The following CSNK2A2 variants were observed in gnomAD, a reference collection of about 807,000 sequenced individuals.
The protein encoded by CSNK2A2 is casein kinase 2 alpha 2, also known as casein kinase II subunit alpha'.
A neutral mutation model predicts 54.0 loss-of-function variants in CSNK2A2; 8 were observed. The ratio of observed to expected loss-of-function variants is 0.15; its 90% CI spans 0.09 to 0.27. The LOEUF (loss-of-function observed/expected upper bound fraction) is 0.27. Among genes scored for constraint, CSNK2A2 ranks in the 10% least tolerant of loss-of-function variants. The pLI is 1.00. For missense variants in CSNK2A2, 242 were observed against 439.4 expected (o/e 0.55, Z 4.02); for synonymous variants, 141 against 153.9 (o/e 0.92, Z 0.62).
intron 10 of CSNK2A2, among the ~76,000 whole-genome samples, chr16:58,164,377 C>T (rs1350608136): frequency 2.0e-5 from 3 of 152,206 alleles, no homozygotes; most frequent in African/African-American, 4.8e-5. Flanking sequence ...CCTCGGAGTA[C>T]AGACTCAATG....
intron 2 of CSNK2A2, among the ~76,000 whole-genome samples, chr16:58,194,978 T>A (rs1333276315): frequency 6.6e-6 from 1 of 152,032 alleles, no homozygotes; most frequent in Non-Finnish European, 1.5e-5. Flanking sequence ...AATGCTGCCA[T>A]AGCACAAAAG....
intron 11 of CSNK2A2, 187 bp downstream of exon 11, chr16:58,163,865 CCA>C: frequency 2.1e-6 from 1 of 484,370 alleles, no homozygotes. Flanking sequence ...CCCCATGCTG[CCA>C]CAGTGACAGC....
intron 3 of CSNK2A2, among the ~76,000 whole-genome samples, chr16:58,185,097 A>C: frequency 6.6e-6 from 1 of 152,212 alleles, no homozygotes; most frequent in South Asian, 2.1e-4. Flanking sequence ...AAATAACGCT[A>C]ATTGGCAGTA....
intron 4 of CSNK2A2, 110 bp downstream of exon 4, chr16:58,184,150 C>T: frequency 1.0e-5 from 8 of 768,246 alleles, no homozygotes; most frequent in Admixed American, 8.2e-5. Context: ...TTGTTATTTC[C>T]TCCTCTCACC....
intron 11 of CSNK2A2, chr16:58,160,471 T>C (rs1241786443): frequency 6.6e-6 from 1 of 152,238 alleles, no homozygotes; most frequent in Non-Finnish European, 1.5e-5. Flanking sequence ...CTTCCAATTG[T>C]TGCTTGTGTC....
chr16:58,185,098 A>C (rs184339315), intron 3 of CSNK2A2, among the ~76,000 whole-genome samples: 1 of 152,320 alleles, frequency 6.6e-6, no homozygotes, highest in South Asian at 2.1e-4. Flanking sequence ...AATAACGCTA[A>C]TTGGCAGTAA....
chr16:58,189,962 G>T (rs1962286670), intron 2 of CSNK2A2, among the ~76,000 whole-genome samples: 1 of 152,212 alleles, frequency 6.6e-6, no homozygotes, highest in South Asian at 2.1e-4. Flanking sequence ...TAGGATTTAT[G>T]AGGGAGGATT....
chr16:58,192,534 G>A (rs1358694520), intron 2 of CSNK2A2: 1 of 152,030 alleles, frequency 6.6e-6, no homozygotes, highest in East Asian at 1.9e-4. Context: ...ACATGCTGCT[G>A]TGGATACTAA....
chr16:58,197,641 C>T lies in CSNK2A2; in HGVS notation c.96G>A (p.Pro32=), dbSNP rs770840395. 3.2e-6 allele frequency: 5 copies of T among 1,569,350 alleles called. No homozygotes were observed. Among genetic ancestry groups the T allele is most frequent in the African/African-American group, 1.4e-5 (1 of 70,702 alleles). ...GGCGGCGACGGCTTTACCCCCAGCTCGGGACGTGAGCCTCGTAGTCCCAGT... is the reference window on the plus strand; with the variant it reads ...GGCGGCGACGGCTTTACCCCCAGCTTGGGACGTGAGCCTCGTAGTCCCAGT... The part of the protein sequence containing the change: ...REYWDYEAHV[P]SWGNQDDYQL... The change falls in exon 1 of 12, where the codon CCG becomes CCA. Residue 32 remains proline (P), a synonymous_variant. Transcript: ENST00000262506. This position sits in a 1 kb window ranked among gnomAD's most constrained non-coding sequence, Gnocchi z 4.0.
intron 4 of CSNK2A2, among the ~76,000 whole-genome samples, chr16:58,177,054 AACTC>A: frequency 6.6e-6 from 1 of 152,302 alleles, no homozygotes. Flanking sequence ...CCCACTGAAC[AACTC>A]ACTCAGTACC....
At position 58,186,768 on chromosome 16, in the gene CSNK2A2, A is replaced by G; in HGVS notation, c.305T>C (p.Val102Ala). ...TTTGGCACCTACCACGGGGTCCTTT[A>G]CAGTGTCAATCAGCTTAATGATATT... Reference protein sequence around the residue: ...GTNIIKLIDTVKDPVSKTPAL... With the variant: ...GTNIIKLIDTAKDPVSKTPAL... Residue 102 changes from valine to alanine, a missense_variant, in exon 3 of 12, where the codon GTA becomes GCA. Physicochemically the swap from Val to Ala is moderately conservative, Grantham distance 64. Around this residue, in one of 5 missense-constraint regions of CSNK2A2, gnomAD observed 69 missense variants for 97.0 expected, o/e 0.71. Coordinates refer to ENST00000262506, the MANE Select transcript of CSNK2A2 (RefSeq NM_001896.4). 1 of 1,613,834 alleles carries G rather than the reference A, an allele frequency of 6.2e-7. No homozygotes were observed.
intron 4 of CSNK2A2, among the ~76,000 whole-genome samples, chr16:58,178,583 G>C (rs1174896423): frequency 6.6e-6 from 1 of 151,960 alleles, no homozygotes; most frequent in Non-Finnish European, 1.5e-5. Context: ...CACCCGGCCT[G>C]AGACACTTTT....
chr16:58,182,347 G>A (rs1962063213), intron 4 of CSNK2A2, among the ~76,000 whole-genome samples: 1 of 95,676 alleles, frequency 1.0e-5, no homozygotes, highest in South Asian at 3.6e-4. Context: ...GGTTAACATG[G>A]TAAAACCCCA....
chr16:58,175,884 TG>T (rs971038690), intron 4 of CSNK2A2, among the ~76,000 whole-genome samples: 1 of 152,198 alleles, frequency 6.6e-6, no homozygotes, highest in Non-Finnish European at 1.5e-5. Context: ...GTTGGGTGGC[TG>T]GCCCTGGCTA....
intron 2 of CSNK2A2, among the ~76,000 whole-genome samples, chr16:58,191,299 T>C (rs1383776717): frequency 1.3e-5 from 2 of 152,194 alleles, no homozygotes; most frequent in Non-Finnish European, 2.9e-5. Flanking sequence ...GCAGTGATGG[T>C]TGCACAACAT....
In CSNK2A2 at chr16:58,197,643, G is replaced by A. The variant is rs1304897203; in HGVS notation, c.94C>T (p.Pro32Ser). ...CGGCGACGGCTTTACCCCCAGCTCG[G>A]GACGTGAGCCTCGTAGTCCCAGTAC... is the stretch of plus-strand genomic sequence containing the variant. ...REYWDYEAHV[P>S]SWGNQDDYQL... The change falls in exon 1 of 12, where the codon CCG becomes TCG. Residue 32 changes from proline (P) to serine (S), a missense_variant. Coordinates refer to ENST00000262506, the MANE Select transcript of CSNK2A2 (RefSeq NM_001896.4). This position sits in a 1 kb window ranked among gnomAD's most constrained non-coding sequence, Gnocchi z 4.0. 1.9e-6 allele frequency: 3 copies of A among 1,571,532 alleles called. No individual in the cohort carries two copies. Among genetic ancestry groups the A allele is most frequent in the East Asian group, 2.5e-5 (1 of 40,748 alleles).
chr16:58,185,930 T>C (rs1186881089), intron 3 of CSNK2A2, among the ~76,000 whole-genome samples: 1 of 152,248 alleles, frequency 6.6e-6, no homozygotes, highest in Non-Finnish European at 1.5e-5. Flanking sequence ...GCCCAGCACA[T>C]AGTAAGCACT....
chr16:58,191,643 G>GT (rs1230392044), intron 2 of CSNK2A2, among the ~76,000 whole-genome samples: 1 of 152,140 alleles, frequency 6.6e-6, no homozygotes, highest in African/African-American at 2.4e-5. Flanking sequence ...GATTACAGGC[G>GT]TGAGGCACCG....
chr16:58,178,514 TC>T (rs1391356756), intron 4 of CSNK2A2, among the ~76,000 whole-genome samples: 1 of 152,138 alleles, frequency 6.6e-6, no homozygotes, highest in Non-Finnish European at 1.5e-5. Context: ...ACTCCCGACC[TC>T]AGGTGATCTG....
Sources: gnomAD v4.1 joint callset for allele counts (sites outside exome capture counted in the v4.1 genomes callset) on GRCh38, gnomAD v4.1.1 for gene constraint, gnomAD v4.1.1 regional missense constraint, Gnocchi (gnomAD v3.1) non-coding constraint, MANE v1.5 for transcripts, NCBI Gene and HGNC (gene_info 2026-07-23, HGNC 2026-07-21) for gene names.